PUDP: variants seen among roughly 807,000 people sequenced by gnomAD.
PUDP encodes pseudouridine-5'-phosphatase.
In PUDP, 8 loss-of-function variants were observed where a neutral mutation model predicts 9.4. That is an observed-to-expected ratio of 0.85 (90% CI 0.50 to 1.53). The LOEUF (loss-of-function observed/expected upper bound fraction) is 1.53, where lower values mean the gene tolerates loss of function less well. PUDP is among the 40% of genes most tolerant of loss of function. The pLI, the probability that PUDP is intolerant of heterozygous loss-of-function variation, is 0.00. For missense variants in PUDP, 188 were observed against 189.7 expected (o/e 0.99, Z 0.05); for synonymous variants, 99 against 80.7 (o/e 1.23, Z -1.22).
At chrX:6,982,021 G>GATAC (rs1555921495) in intron 1 of PUDP, among the ~76,000 whole-genome samples, 3 of 53,045 alleles carry the variant, frequency 5.7e-5, no homozygotes, top group East Asian at 6.0e-4. Context: ...AGAACTTATG[G>GATAC]ATACACACAC....
Position 6,758,021 on chromosome X carries a change from G to C in PUDP, c.*248-51555C>G, listed in dbSNP as rs180939758. Among the ~76,000 whole-genome samples, 11 of 112,239 alleles carry C rather than the reference G, an allele frequency of 9.8e-5. No homozygotes were observed. The East Asian group carries it at 3.1e-3, about 31-fold the overall frequency. On this transcript the variant is annotated intron_variant and NMD_transcript_variant, in intron 3 of 3. Coordinates refer to the PUDP transcript ENST00000655425. ...GGATCATTAAGAGTTATTTTCTATGGGGATGCACTGAGAGACACATTTCCC... is the reference window on the plus strand; with the variant it reads ...GGATCATTAAGAGTTATTTTCTATGCGGATGCACTGAGAGACACATTTCCC...
chrX:7,019,319 T>A (rs1410491487), intron 1 of PUDP, among the ~76,000 whole-genome samples: 1 of 112,274 alleles, frequency 8.9e-6, no homozygotes, highest in East Asian at 2.8e-4. Flanking sequence ...GTTATGTTTA[T>A]CAGGATGAAG....
chrX:7,074,565 C>G (rs1930837479), intron 3 of PUDP, among the ~76,000 whole-genome samples: 1 of 112,278 alleles, frequency 8.9e-6, no homozygotes, highest in South Asian at 3.7e-4. Context: ...GAACTGAATG[C>G]AAGTGCCAAC....
At chrX:7,038,929 G>GTATT (rs1438755895) in intron 1 of PUDP, among the ~76,000 whole-genome samples, 2 of 111,019 alleles carry the variant, frequency 1.8e-5, no homozygotes, top group African/African-American at 6.6e-5. Flanking sequence ...GTCTATTTCT[G>GTATT]TATTTATTTA....
chrX:6,737,171 G>A (rs954088983), intron 3 of PUDP, among the ~76,000 whole-genome samples: 14 of 111,147 alleles, frequency 1.3e-4, no homozygotes, highest in African/African-American at 4.6e-4. Context: ...AAAGCTGCAC[G>A]AGATAAGGAA....
intron 3 of PUDP, among the ~76,000 whole-genome samples, chrX:6,830,737 T>G (rs57664559): frequency 0.12 from 13,919 of 111,710 alleles, 984 homozygotes; most frequent in African/African-American, 0.27. Flanking sequence ...ATTTTAAGTG[T>G]AGTTATCAAA....
At chrX:6,961,384 T>TA (rs1183710865) in intron 3 of PUDP, among the ~76,000 whole-genome samples, 3 of 108,227 alleles carry the variant, frequency 2.8e-5, no homozygotes, top group African/African-American at 6.7e-5. Flanking sequence ...AGACCCTGTC[T>TA]AAAAAAAAAT....
At chrX:7,107,073 TAAG>T (rs1471135719) in intron 1 of PUDP, among the ~76,000 whole-genome samples, 24 of 111,845 alleles carry the variant, frequency 2.1e-4, no homozygotes, top group South Asian at 1.2e-3. Context: ...ACAACTGATT[TAAG>T]AAGAAGACAC....
At chrX:6,751,002 T>C (rs745772006) in intron 3 of PUDP, among the ~76,000 whole-genome samples, 36 of 107,849 alleles carry the variant, frequency 3.3e-4, no homozygotes, top group African/African-American at 9.5e-4. Context: ...ATTAGCCGGG[T>C]GTGGTGGTGG....
intron 3 of PUDP, among the ~76,000 whole-genome samples, chrX:6,945,769 G>A (rs1046211673): frequency 9.0e-6 from 1 of 110,619 alleles, no homozygotes; most frequent in African/African-American, 3.3e-5. Flanking sequence ...ACTTGGACTC[G>A]GAAACTCAAA....
intron 3 of PUDP, among the ~76,000 whole-genome samples, chrX:6,970,443 G>A (rs775407326): frequency 9.9e-5 from 11 of 111,503 alleles, no homozygotes; most frequent in South Asian, 3.8e-4. Context: ...GGGGGTTGCC[G>A]GATGGATGAT....
intron 3 of PUDP, among the ~76,000 whole-genome samples, chrX:6,800,679 C>T (rs568897206): frequency 9.0e-6 from 1 of 111,653 alleles, no homozygotes; most frequent in Admixed American, 9.5e-5. Context: ...AGCAAGCAGG[C>T]CTCTGTTAAT....
At chrX:6,783,199 A>G (rs921329845) in intron 3 of PUDP, among the ~76,000 whole-genome samples, 4 of 112,197 alleles carry the variant, frequency 3.6e-5, no homozygotes, top group African/African-American at 1.3e-4. Context: ...AAAGATAATA[A>G]TATTGATTCT....
chrX:6,820,431 CA>C (rs1387572884), intron 3 of PUDP, among the ~76,000 whole-genome samples: 6 of 111,203 alleles, frequency 5.4e-5, no homozygotes, highest in African/African-American at 2.0e-4. Flanking sequence ...AGCATTAACC[CA>C]AAAGTCCACA....
rs775623032 is a variant in PUDP, at chrX:6,721,111, C to T, written n.128+306G>A. Among the ~76,000 whole-genome samples the T allele has an allele frequency of 5.4e-5, 6 of 111,688 alleles. No homozygotes were observed. In the South Asian group the frequency reaches 2.3e-3, roughly 42 times the overall value. On this transcript the variant is annotated intron_variant and non_coding_transcript_variant, in intron 1 of 2. Coordinates refer to the PUDP transcript ENST00000438499. ...GAAAAGATGCAAATATCCCATATGA[C>T]CTTTAACTACAGTCCTCAGGTAAGT...
chrX:7,119,252 A>C (rs1432055953), intron 1 of PUDP, among the ~76,000 whole-genome samples: 1 of 112,686 alleles, frequency 8.9e-6, no homozygotes, highest in Non-Finnish European at 1.9e-5. Flanking sequence ...GTTCTTCAAC[A>C]AATGTTGCAA....
At chrX:7,017,387 A>G (rs899799375) in intron 1 of PUDP, among the ~76,000 whole-genome samples, 2 of 111,719 alleles carry the variant, frequency 1.8e-5, no homozygotes, top group African/African-American at 6.5e-5. Flanking sequence ...ATCCTGAGAT[A>G]TTATTTATTG....
intron 3 of PUDP, among the ~76,000 whole-genome samples, chrX:6,740,953 G>A (rs1924928589): frequency 9.0e-6 from 1 of 111,626 alleles, no homozygotes; most frequent in Non-Finnish European, 1.9e-5. Context: ...GACGTCAGGA[G>A]TTCGAGACCA....
intron 3 of PUDP, among the ~76,000 whole-genome samples, chrX:6,786,145 C>A (rs1925643509): frequency 8.9e-6 from 1 of 111,808 alleles, no homozygotes; most frequent in Non-Finnish European, 1.9e-5. Flanking sequence ...CAACTCAGTG[C>A]CATTTCACTC....
Sources: allele counts gnomAD v4.1 joint callset (sites outside exome capture counted in the v4.1 genomes callset), GRCh38; gene constraint gnomAD v4.1.1; transcripts MANE v1.5; gene names NCBI Gene and HGNC (gene_info 2026-07-23, HGNC 2026-07-21).